Variants in ZMYM6 observed in about 807,000 individuals in gnomAD.
ZMYM6 encodes zinc finger MYM-type protein 6.
Under a neutral mutation model 134.0 loss-of-function variants are expected in ZMYM6, and 90 were observed. The ratio of observed to expected loss-of-function variants is 0.67; its 90% CI spans 0.57 to 0.80. The LOEUF (loss-of-function observed/expected upper bound fraction) is 0.80. Ranked by LOEUF, ZMYM6 falls within the 30% of genes least tolerant of loss-of-function variation. The probability of loss-of-function intolerance (pLI) is 0.00; values close to 1 mark genes in which losing one functional copy is unlikely to be tolerated. For missense variants in ZMYM6, 1,362 were observed against 1,533.9 expected (o/e 0.89, Z 1.87); for synonymous variants, 481 against 524.1 (o/e 0.92, Z 1.12).
chr1:35,005,383 T>G, intron 12 of ZMYM6, 111 bp from the exon 13 acceptor site: 1 of 1,123,024 alleles, frequency 8.9e-7, no homozygotes, highest in Non-Finnish European at 1.3e-6. Context: ...CAAGAAGCAA[T>G]ATAAATATCT....
At position 34,988,431 on chromosome 1, in the gene ZMYM6, T is replaced by C. The variant is rs1322730712; in HGVS notation, c.2651A>G (p.Gln884Arg). Residue 884 changes from glutamine (Q) to arginine (R), a missense_variant, in exon 16 of 16, where the codon CAA becomes CGA. Coordinates refer to ENST00000357182, the MANE Select transcript of ZMYM6 (RefSeq NM_007167.4). ...TGCAGATAGTTCATCAATCCTGTGT[T>C]GAATTGTAACATTAGAAAGTGGAAT... ...KTIPLSNVTI[Q>R]HRIDELSADI... 1 of 1,551,588 alleles carries C rather than the reference T, an allele frequency of 6.4e-7. No individual in the cohort carries two copies. Among genetic ancestry groups the C allele is most frequent in the East Asian group, 2.4e-5 (1 of 40,904 alleles).
At chr1:35,025,456 G>C (rs1641392692) in intron 2 of ZMYM6, among the ~76,000 whole-genome samples, 1 of 79,974 alleles carries the variant, frequency 1.3e-5, no homozygotes, top group Non-Finnish European at 2.1e-5. Context: ...TACAAAGCAA[G>C]ACTCCATCCC....
chr1:35,015,090 G>A lies in ZMYM6; in HGVS notation c.501C>T (p.Ser167=). ...GCTCATAAGATGACAAGCATGATTGGCTGCAGAAATCTTTGCTAGGATAGG... is the reference window on the plus strand; with the variant it reads ...GCTCATAAGATGACAAGCATGATTGACTGCAGAAATCTTTGCTAGGATAGG... ...ENSYPSKDFC[S]QSCLSSYELK... The change falls in exon 5 of 16, where the codon AGC becomes AGT. Residue 167 remains serine, a synonymous_variant. Transcript: ENST00000357182. 6.2e-7 allele frequency: 1 copy of A among 1,613,944 alleles called. No individual in the cohort carries two copies. The highest frequency in any genetic ancestry group is 8.5e-7 in the Non-Finnish European group (1 of 1,179,958).
intron 3 of ZMYM6, 107 bp from the exon 4 acceptor site, chr1:35,019,709 G>A: frequency 7.6e-7 from 1 of 1,313,778 alleles, no homozygotes; most frequent in Non-Finnish European, 1.0e-6. Context: ...CGGTCTCACT[G>A]TCACCCAGGC....
At chr1:35,027,726 A>G (rs539195376) in intron 2 of ZMYM6, among the ~76,000 whole-genome samples, 2 of 152,188 alleles carry the variant, frequency 1.3e-5, no homozygotes, top group Non-Finnish European at 2.9e-5. Context: ...TGTCTCAAAA[A>G]AAGGAAACAA....
At chr1:35,029,100 G>A (rs1002105462) in intron 2 of ZMYM6, among the ~76,000 whole-genome samples, 8 of 152,102 alleles carry the variant, frequency 5.3e-5, no homozygotes, top group Admixed American at 1.3e-4. Flanking sequence ...GCTGAGGCAG[G>A]AGAATCACTT....
chr1:35,030,471 T>G (rs1641500768), intron 2 of ZMYM6, 76 bp downstream of exon 2: 2 of 1,419,562 alleles, frequency 1.4e-6, no homozygotes, highest in Non-Finnish European at 1.9e-6. Context: ...AGAAGCCGTT[T>G]AACTAAAATT....
chr1:35,006,323 T>A (rs1189571355), intron 12 of ZMYM6, among the ~76,000 whole-genome samples: 1 of 152,174 alleles, frequency 6.6e-6, no homozygotes, highest in Non-Finnish European at 1.5e-5. Flanking sequence ...ATGTTTTTAA[T>A]CTAATACTTA....
chr1:35,016,886 T>TTA (rs1382863621), intron 4 of ZMYM6, among the ~76,000 whole-genome samples: 5 of 151,182 alleles, frequency 3.3e-5, no homozygotes, highest in Non-Finnish European at 5.9e-5. Flanking sequence ...ATGCCCATGG[T>TTA]CTCAGTTACT....
chr1:35,026,990 G>T (rs115083766), intron 2 of ZMYM6, among the ~76,000 whole-genome samples: 1,554 of 152,176 alleles, frequency 0.01, 20 homozygotes, highest in African/African-American at 0.027. Context: ...CATAATAAAA[G>T]TGATTGCACT....
Position 34,992,496 on chromosome 1 carries a change from C to T in ZMYM6, c.1993-109G>A, listed in dbSNP as rs1640695030. Reference sequence around the variant, plus strand: ...CATATACATCAAGAGAAATATAATTCCTCTGAAAGAGTGGTTGCAATAAAA... The same window carrying T: ...CATATACATCAAGAGAAATATAATTTCTCTGAAAGAGTGGTTGCAATAAAA... On this transcript the variant is annotated intron_variant, in intron 14 of 15. Coordinates refer to ENST00000357182, the MANE Select transcript of ZMYM6 (RefSeq NM_007167.4). The T allele has an allele frequency of 1.1e-5, 13 of 1,196,366 alleles. No individual in the cohort carries two copies. In the South Asian group the frequency reaches 1.9e-4, roughly 18 times the overall value. The allele number at this position is 1,196,366 out of a possible 1,614,324, so 74.1% of individuals were successfully genotyped here. A position where few individuals can be genotyped will look rare whatever the true frequency, so the allele number is the denominator to read the frequency against.
chr1:34,989,552 AAG>A (rs1640632591), intron 15 of ZMYM6: 1 of 152,036 alleles, frequency 6.6e-6, no homozygotes, highest in South Asian at 2.1e-4. Context: ...AAAAAACAAA[AAG>A]AATAAATTTT....
chr1:35,023,420 T>A (rs1557587680), intron 2 of ZMYM6, among the ~76,000 whole-genome samples: 1 of 152,118 alleles, frequency 6.6e-6, no homozygotes, highest in Non-Finnish European at 1.5e-5. Context: ...ATGCTAGTTC[T>A]CATACTTATT....
chr1:35,006,954 T>C lies in ZMYM6; in HGVS notation c.1810A>G (p.Lys604Glu). Residue 604 changes from lysine (K) to glutamate (E), a missense_variant, in exon 12 of 16, where the codon AAA becomes GAA. Physicochemically the swap from Lys to Glu is moderately conservative, Grantham distance 56. Transcript: ENST00000357182. ...CATTAGCTAAGTTTAATTTTACCTTTATTTTGTGGAAGACAGTCATTCATA... is the reference window on the plus strand; with the variant it reads ...CATTAGCTAAGTTTAATTTTACCTTCATTTTGTGGAAGACAGTCATTCATA... ...QIMNDCLPQN[K>E]VNISKAKTAV... 1 of 1,609,944 alleles carries C rather than the reference T, an allele frequency of 6.2e-7. No individual in the cohort carries two copies. The highest frequency in any genetic ancestry group is 8.5e-7 in the Non-Finnish European group (1 of 1,178,302).
At chr1:34,992,159 T>C (rs1335950141) in intron 15 of ZMYM6, 75 bp downstream of exon 15, 1 of 1,578,616 alleles carries the variant, frequency 6.3e-7, no homozygotes, top group Admixed American at 1.7e-5. Flanking sequence ...ATTATTTTCT[T>C]TTCCTTTCTT....
At chr1:35,011,665 G>A (rs745629512) in intron 8 of ZMYM6, among the ~76,000 whole-genome samples, 7 of 152,220 alleles carry the variant, frequency 4.6e-5, no homozygotes, top group Non-Finnish European at 1.0e-4. Context: ...GGGAGGGAAT[G>A]ACAGTTTAGG....
intron 14 of ZMYM6, among the ~76,000 whole-genome samples, chr1:35,003,713 T>A (rs1640917979): frequency 6.6e-6 from 1 of 152,220 alleles, no homozygotes; most frequent in Non-Finnish European, 1.5e-5. Context: ...ATTACTCCAC[T>A]TTTTTAAAGA....
In ZMYM6 at chr1:34,987,270, G is replaced by A. The variant is rs540987773; in HGVS notation, c.3812C>T (p.Ala1271Val). The change falls in exon 16 of 16, where the codon GCA becomes GTA. Residue 1271 changes from alanine to valine, a missense_variant. By Grantham distance (64) the Ala-to-Val change is moderately conservative. Transcript: ENST00000357182. Reference sequence around the variant, plus strand: ...TGAAAAGGGTAATAAAAATTTCATTGCCCTTTCATGGAGTTCTGGGTAACT... The same window carrying A: ...TGAAAAGGGTAATAAAAATTTCATTACCCTTTCATGGAGTTCTGGGTAACT... ...KTSYPELHER[A>V]MKFLLPFSTV... 6.2e-7 allele frequency: 1 copy of A among 1,613,236 alleles called. No individual in the cohort carries two copies. The highest frequency in any genetic ancestry group is 2.2e-5 in the East Asian group (1 of 44,854).
In ZMYM6 at chr1:35,010,783, G is replaced by A. The variant is rs142879653; in HGVS notation, c.1316C>T (p.Thr439Ile). 1,246 of 1,572,660 alleles carry A rather than the reference G, an allele frequency of 7.9e-4. No individual in the cohort carries two copies. The highest frequency in any genetic ancestry group is 1.0e-3 in the Non-Finnish European group (1,185 of 1,164,014). ...CTTGTAAAAAAGAAGTTCTGGTTTTGTGGCAAATAGATGGTTACAGTGCTG... is the reference window on the plus strand; with the variant it reads ...CTTGTAAAAAAGAAGTTCTGGTTTTATGGCAAATAGATGGTTACAGTGCTG... ...KCQHCNHLFA[T>I]KPELLFYKGK... Residue 439 changes from threonine (T) to isoleucine (I), a missense_variant, in exon 9 of 16, where the codon ACA becomes ATA. Coordinates refer to ENST00000357182, the MANE Select transcript of ZMYM6 (RefSeq NM_007167.4).
Sources: allele counts gnomAD v4.1 joint callset (sites outside exome capture counted in the v4.1 genomes callset), GRCh38; gene constraint gnomAD v4.1.1; transcripts MANE v1.5; gene names NCBI Gene and HGNC (gene_info 2026-07-23, HGNC 2026-07-21).